Variants in AGBL4 observed in about 807,000 individuals in gnomAD.
AGBL4 encodes the protein AGBL carboxypeptidase 4.
Under a neutral mutation model 66.4 loss-of-function variants are expected in AGBL4, and 58 were observed. The observed-to-expected ratio is 0.87, with a 90% CI of 0.71 to 1.09. The LOEUF (loss-of-function observed/expected upper bound fraction) is 1.09, where lower values mean the gene tolerates loss of function less well. Ranked by LOEUF, AGBL4 falls within the 50% of genes least tolerant of loss-of-function variation. AGBL4 has a pLI of 0.00. For synonymous variants in AGBL4, 234 were observed against 222.9 expected (o/e 1.05, Z -0.44); for missense variants, 579 against 631.0 (o/e 0.92, Z 0.88).
intron 4 of AGBL4, among the ~76,000 whole-genome samples, chr1:49,163,401 G>T (rs1443939314): frequency 6.6e-6 from 1 of 151,432 alleles, no homozygotes; most frequent in African/African-American, 2.5e-5. Context: ...CTAACGTTTG[G>T]TAGATTCTCT....
chr1:49,985,105 G>T (rs1189254132), intron 1 of AGBL4, among the ~76,000 whole-genome samples: 1 of 152,016 alleles, frequency 6.6e-6, no homozygotes, highest in Non-Finnish European at 1.5e-5. Flanking sequence ...TATATTGCAT[G>T]ATACTGAGGT....
chr1:50,023,225 G>A (rs541063164), intron 1 of AGBL4, among the ~76,000 whole-genome samples: 89 of 152,276 alleles, frequency 5.8e-4, no homozygotes, highest in African/African-American at 2.0e-3. Context: ...GTGACCAGGA[G>A]TGACCCTGAG....
chr1:49,132,858 A>T (rs1335069876), intron 4 of AGBL4, among the ~76,000 whole-genome samples: 1 of 152,182 alleles, frequency 6.6e-6, no homozygotes, highest in Non-Finnish European at 1.5e-5. Context: ...AGAACCAGAA[A>T]TACCATTTGA....
At chr1:49,936,605 C>G (rs2148279609) in intron 1 of AGBL4, among the ~76,000 whole-genome samples, 1 of 152,264 alleles carries the variant, frequency 6.6e-6, no homozygotes, top group East Asian at 1.9e-4. Flanking sequence ...GGGTTACCCA[C>G]AAAGGGAAGC....
At chr1:49,176,927 C>T (rs1054295197) in intron 4 of AGBL4, among the ~76,000 whole-genome samples, 5 of 151,972 alleles carry the variant, frequency 3.3e-5, no homozygotes, top group African/African-American at 9.7e-5. Flanking sequence ...TGATGTGCTC[C>T]CATATTAAAT....
intron 3 of AGBL4, among the ~76,000 whole-genome samples, chr1:49,384,187 A>G (rs1460997810): frequency 6.6e-6 from 1 of 152,176 alleles, no homozygotes; most frequent in African/African-American, 2.4e-5. Context: ...ATGTTTGCAA[A>G]CCATATATCT....
intron 4 of AGBL4, among the ~76,000 whole-genome samples, chr1:49,222,573 C>A (rs1322600017): frequency 6.6e-6 from 1 of 152,094 alleles, no homozygotes; most frequent in African/African-American, 2.4e-5. Flanking sequence ...CAGTGAAGTT[C>A]CTAAGAGGAA....
At chr1:49,146,353 T>G (rs1282204560) in intron 4 of AGBL4, among the ~76,000 whole-genome samples, 2 of 152,072 alleles carry the variant, frequency 1.3e-5, no homozygotes, top group East Asian at 3.9e-4. Context: ...TACCAAAATA[T>G]CTCATATACC....
At chr1:48,629,210 C>T (rs905688832) in intron 9 of AGBL4, among the ~76,000 whole-genome samples, 1 of 152,118 alleles carries the variant, frequency 6.6e-6, no homozygotes, top group African/African-American at 2.4e-5. Flanking sequence ...TTTCTAAGAT[C>T]ATAACTGGAT....
At chr1:48,781,090 A>T (rs182085282) in intron 6 of AGBL4, among the ~76,000 whole-genome samples, 70 of 152,280 alleles carry the variant, frequency 4.6e-4, no homozygotes, top group African/African-American at 1.6e-3. Context: ...ATTAAATATC[A>T]CTGCACCCTG....
At chr1:48,537,100 C>G (rs1643985565) in intron 12 of AGBL4, among the ~76,000 whole-genome samples, 1 of 152,140 alleles carries the variant, frequency 6.6e-6, no homozygotes. Context: ...TTCACTTAAA[C>G]TATTTGATGC....
At chr1:48,742,081 C>T (rs1465751007) in intron 6 of AGBL4, among the ~76,000 whole-genome samples, 4 of 152,164 alleles carry the variant, frequency 2.6e-5, no homozygotes, top group African/African-American at 7.2e-5. Context: ...TAGGACTGTG[C>T]GCTAACCACT....
At chr1:49,765,340 G>A (rs1350724292) in intron 2 of AGBL4, among the ~76,000 whole-genome samples, 1 of 151,826 alleles carries the variant, frequency 6.6e-6, no homozygotes, top group African/African-American at 2.4e-5. Flanking sequence ...AAGTTCACAG[G>A]GCTATACAAG....
chr1:49,421,112 T>C (rs1241510900), intron 3 of AGBL4, among the ~76,000 whole-genome samples: 1 of 152,176 alleles, frequency 6.6e-6, no homozygotes, highest in African/African-American at 2.4e-5. Flanking sequence ...CCACTTAAAA[T>C]CTTGAGTAAA....
intron 4 of AGBL4, among the ~76,000 whole-genome samples, chr1:49,215,210 G>GT (rs1454109603): frequency 2.6e-5 from 4 of 152,082 alleles, no homozygotes; most frequent in Non-Finnish European, 5.9e-5. Flanking sequence ...CTCTGTGGGA[G>GT]TTTTGCCTTG....
In AGBL4 at chr1:49,314,692, C is replaced by T. The variant is rs554253962; in HGVS notation, c.283-68828G>A. Among the ~76,000 whole-genome samples, 7 of 152,128 alleles carry T rather than the reference C, an allele frequency of 4.6e-5. No homozygotes were observed. The South Asian group carries it at 6.2e-4, about 14-fold the overall frequency. On this transcript the variant is annotated intron_variant, in intron 3 of 13. Coordinates refer to ENST00000371839, the MANE Select transcript of AGBL4 (RefSeq NM_032785.4). The stretch of plus-strand genomic sequence containing the variant: ...TGTGAACAGTGCTGCAATAAACATA[C>T]GTGTGCATGTGTCTTTATAGTATAA...
intron 9 of AGBL4, among the ~76,000 whole-genome samples, chr1:48,621,183 G>T (rs1347955825): frequency 1.3e-5 from 2 of 152,176 alleles, no homozygotes; most frequent in African/African-American, 4.8e-5. Flanking sequence ...TTAGGAGCCT[G>T]AATATGGGGA....
chr1:49,125,400 T>G (rs900296546), intron 4 of AGBL4, among the ~76,000 whole-genome samples: 9 of 152,092 alleles, frequency 5.9e-5, no homozygotes, highest in Non-Finnish European at 1.2e-4. Context: ...GGCCAGCAAA[T>G]GGTAGAAGTG....
intron 11 of AGBL4, among the ~76,000 whole-genome samples, chr1:48,557,408 C>T (rs1644336563): frequency 6.6e-6 from 1 of 152,014 alleles, no homozygotes; most frequent in Non-Finnish European, 1.5e-5. Flanking sequence ...AGGCAAATGT[C>T]ACACACTCCA....
Sources: allele counts gnomAD v4.1 joint callset (sites outside exome capture counted in the v4.1 genomes callset), GRCh38; gene constraint gnomAD v4.1.1; transcripts MANE v1.5; gene names NCBI Gene and HGNC (gene_info 2026-07-23, HGNC 2026-07-21).